Variants in PHF8 observed in about 807,000 individuals in gnomAD.
PHF8 encodes histone lysine demethylase PHF8.
In PHF8, 9 loss-of-function variants were observed where a neutral mutation model predicts 74.4. The ratio of observed to expected loss-of-function variants is 0.12; its 90% CI spans 0.07 to 0.21. PHF8 has a LOEUF of 0.21. Ranked by LOEUF, PHF8 falls within the 10% of genes least tolerant of loss-of-function variation. PHF8 has a pLI of 1.00. For synonymous variants in PHF8, 311 were observed against 316.6 expected (o/e 0.98, Z 0.19); for missense variants, 478 against 816.6 (o/e 0.59, Z 5.05).
intron 19 of PHF8, among the ~76,000 whole-genome samples, chrX:53,954,757 T>C (rs1353339375): frequency 9.1e-6 from 1 of 109,716 alleles, no homozygotes; most frequent in Admixed American, 9.9e-5. Flanking sequence ...TTACCGACTG[T>C]TCTGGTGCTT....
At chrX:54,019,291 C>T (rs2066125245) in intron 4 of PHF8, among the ~76,000 whole-genome samples, 1 of 107,720 alleles carries the variant, frequency 9.3e-6, no homozygotes, top group Non-Finnish European at 1.9e-5. Flanking sequence ...AACCCCGTCT[C>T]TACAAAAAAT....
rs1271484888 is a variant in PHF8, at chrX:53,940,219, G to T, written c.2947C>A (p.Arg983Ser). ...TTGCTCTGGGAGCCAACTGAAGGGC[G>T]CCGCTGGGTCAAGAAGACACCGGGG... ...MAPGVFLTQRRPSVGSQSNQA... is the reference protein window; with the variant it reads ...MAPGVFLTQRSPSVGSQSNQA... Residue 983 changes from arginine (R) to serine (S), a missense_variant, in exon 21 of 22, where the codon CGC becomes AGC. Transcript: ENST00000338154. 7 of 1,187,288 alleles carry T rather than the reference G, an allele frequency of 5.9e-6. No homozygotes were observed. Among genetic ancestry groups the T allele is most frequent in the Non-Finnish European group, 7.9e-6 (7 of 883,391 alleles).
chrX:54,044,875 C>T (rs781990132), upstream of PHF8: 20 of 1,155,020 alleles, frequency 1.7e-5, no homozygotes, highest in East Asian at 9.8e-5. Flanking sequence ...GAGTACTCAC[C>T]GCGGCTCCTG....
intron 6 of PHF8, among the ~76,000 whole-genome samples, chrX:54,015,066 T>C (rs2066040526): frequency 8.9e-6 from 1 of 111,777 alleles, no homozygotes; most frequent in African/African-American, 3.2e-5. Context: ...CACTGAAAAC[T>C]CTATAGTCCA....
rs782813308 is a variant in PHF8 at position 54,015,585 on chromosome X, A to G, written c.596+1010T>C. ...AGCGAAACTCCGTCTCAAAAAAAAA[A>G]AAAAAAAAAAAACACAACAGCAAGG... is the stretch of plus-strand genomic sequence containing the variant. On this transcript the variant is annotated intron_variant, in intron 6 of 21. Transcript: ENST00000338154. Among the ~76,000 whole-genome samples, 3 of 107,496 alleles carry G rather than the reference A, an allele frequency of 2.8e-5. No homozygotes were observed. The East Asian group carries it at 8.7e-4, about 31-fold the overall frequency. The allele number at this position is 107,496 out of a possible 115,157, so 93.3% of individuals were successfully genotyped here.
At chrX:54,030,739 C>A (rs1454382727) in intron 2 of PHF8, among the ~76,000 whole-genome samples, 1 of 112,272 alleles carries the variant, frequency 8.9e-6, no homozygotes, top group Non-Finnish European at 1.9e-5. Flanking sequence ...ACAACATTCA[C>A]AGACATTAAA....
At chrX:53,997,713 C>T (rs1303393235) in intron 11 of PHF8, among the ~76,000 whole-genome samples, 4 of 111,632 alleles carry the variant, frequency 3.6e-5, no homozygotes, top group African/African-American at 9.8e-5. Flanking sequence ...GTCATGAGTG[C>T]TTGGGCCACA....
intron 2 of PHF8, among the ~76,000 whole-genome samples, chrX:54,035,099 T>C (rs973028120): frequency 9.1e-6 from 1 of 110,360 alleles, no homozygotes; most frequent in African/African-American, 3.3e-5. Flanking sequence ...TGGCTCACGC[T>C]TGTAATCCCA....
chrX:53,953,545 G>A (rs782709400), intron 19 of PHF8, among the ~76,000 whole-genome samples: 54 of 107,470 alleles, frequency 5.0e-4, no homozygotes, highest in Non-Finnish European at 6.0e-4. Flanking sequence ...GGAGGCTGAG[G>A]CAGGAAAAGA....
intron 18 of PHF8, among the ~76,000 whole-genome samples, chrX:53,968,528 T>G (rs1468829748): frequency 8.9e-6 from 1 of 112,257 alleles, no homozygotes; most frequent in Non-Finnish European, 1.9e-5. Context: ...CTCAAAAAAC[T>G]GAAGAGGAGG....
At chrX:53,967,327 C>A (rs2065217973) in intron 18 of PHF8, among the ~76,000 whole-genome samples, 9 of 107,590 alleles carry the variant, frequency 8.4e-5, no homozygotes, top group Admixed American at 7.6e-4. Flanking sequence ...GGGGGGTCAG[C>A]CCCCCGCCCG....
Position 53,987,827 on chromosome X carries a change from A to T in PHF8, c.1848T>A (p.Asp616Glu). ...ATCTCTCGTCAATCTGCAGCTCATC[A>T]TCTGAATCCAAGTCAAATTCGTCTT... ...VMEDEFDLDS[D>E]DELQIDERLG... Residue 616 changes from aspartate to glutamate, a missense_variant, in exon 15 of 22, where the codon GAT becomes GAA. Coordinates refer to ENST00000338154, the MANE Select transcript of PHF8 (RefSeq NM_015107.3). The T allele has an allele frequency of 3.3e-6, 4 of 1,209,097 alleles. No homozygotes were observed. The highest frequency in any genetic ancestry group is 4.5e-6 in the Non-Finnish European group (4 of 893,600).
At position 53,991,951 on chromosome X, in the gene PHF8, GAA is replaced by G. The variant is rs200075146; in HGVS notation, c.1730+783_1730+784del. 7.4e-3 allele frequency among the ~76,000 whole-genome samples: 831 copies of G among 111,692 alleles called. 3 individuals are homozygous for G. Among genetic ancestry groups the G allele is most frequent in the African/African-American group, 0.025 (783 of 30,732 alleles). ...TGGTTGTCCATGGGAAGGTAACAGG[GAA>G]AGAGAGATGGGTGTGAGATTTTTCA... On this transcript the variant is annotated intron_variant, in intron 14 of 21. Transcript: ENST00000338154.
At position 53,966,388 on chromosome X, in the gene PHF8, C is replaced by G. The variant is rs908983035; in HGVS notation, c.2444-3449G>C. On this transcript the variant is annotated intron_variant, in intron 18 of 21. Transcript: ENST00000338154. ...CTGCGACTGCAGGCGCGTGCCGCCA[C>G]GCCTGACTGGTTTTCGTATTTTTTT... Among the ~76,000 whole-genome samples, 3 of 112,702 alleles carry G rather than the reference C, an allele frequency of 2.7e-5. No individual in the cohort carries two copies. The Admixed American group carries it at 2.8e-4, about 11-fold the overall frequency.
intron 16 of PHF8, 26 bp downstream of exon 16, chrX:53,987,052 A>C: frequency 1.0e-6 from 1 of 969,589 alleles, no homozygotes; most frequent in Non-Finnish European, 1.5e-6. Flanking sequence ...AATGAGCAGA[A>C]GACTAGATCC....
At chrX:54,026,353 CA>C (rs1192940345) in intron 2 of PHF8, among the ~76,000 whole-genome samples, 2,031 of 48,533 alleles carry the variant, frequency 0.042, 27 homozygotes, top group Middle Eastern at 0.088. Flanking sequence ...GATTCCATCT[CA>C]AAAAAAAAAA....
intron 19 of PHF8, among the ~76,000 whole-genome samples, chrX:53,953,657 A>AG (rs1557087751): frequency 1.9e-3 from 179 of 95,340 alleles, no homozygotes; most frequent in African/African-American, 7.0e-3. Flanking sequence ...AAAAAAAAAA[A>AG]GCGGGGGGGG....
At chrX:53,950,756 G>A (rs1893906219) in intron 19 of PHF8, among the ~76,000 whole-genome samples, 1 of 112,603 alleles carries the variant, frequency 8.9e-6, no homozygotes, top group African/African-American at 3.2e-5. Flanking sequence ...GTTCAGAAAA[G>A]CCACTAAACA....
intron 18 of PHF8, among the ~76,000 whole-genome samples, chrX:53,983,419 T>A (rs1557098620): frequency 1.8e-5 from 2 of 110,872 alleles, no homozygotes; most frequent in African/African-American, 6.6e-5. Context: ...AGAAAAGGAA[T>A]AAAGAAGAGT....
Sources: gnomAD v4.1 joint callset for allele counts (sites outside exome capture counted in the v4.1 genomes callset) on GRCh38, gnomAD v4.1.1 for gene constraint, MANE v1.5 for transcripts, NCBI Gene and HGNC (gene_info 2026-07-23, HGNC 2026-07-21) for gene names.